The following NIBAN2 variants were observed in gnomAD, a reference collection of about 807,000 sequenced individuals.
NIBAN2 encodes the protein protein Niban 2.
Under a neutral mutation model 81.8 loss-of-function variants are expected in NIBAN2, and 36 were observed. That is an observed-to-expected ratio of 0.44 (90% CI 0.34 to 0.58). The LOEUF (loss-of-function observed/expected upper bound fraction) is 0.58, where lower values mean the gene tolerates loss of function less well. Ranked by LOEUF, NIBAN2 falls within the 20% of genes least tolerant of loss-of-function variation. The pLI, the probability that NIBAN2 is intolerant of heterozygous loss-of-function variation, is 0.02. For synonymous variants in NIBAN2, 445 were observed against 441.6 expected (o/e 1.01, Z -0.10); for missense variants, 897 against 1,014.1 (o/e 0.88, Z 1.57).
chr9:127,505,597 T>G lies in NIBAN2; in HGVS notation c.*1248A>C, dbSNP rs1836577038. 1 of 152,312 alleles carries G rather than the reference T, an allele frequency of 6.6e-6. No individual in the cohort carries two copies. The highest frequency in any genetic ancestry group is 2.4e-5 in the African/African-American group (1 of 41,374). The allele number at this position is 152,312 out of a possible 1,614,324, so 9.4% of individuals were successfully genotyped here. A position where few individuals can be genotyped will look rare whatever the true frequency, so the allele number is the denominator to read the frequency against. The stretch of plus-strand genomic sequence containing the variant: ...GTCTAGGGCACGGAGGATGCAGGGC[T>G]GGGAGGGGACCCCACCTCGGGGACC... On this transcript the variant is annotated 3_prime_UTR_variant, in exon 14 of 14. Coordinates refer to ENST00000373312, the MANE Select transcript of NIBAN2 (RefSeq NM_022833.4).
At chr9:127,568,074 T>G (rs563233113) in intron 1 of NIBAN2, among the ~76,000 whole-genome samples, 1 of 152,246 alleles carries the variant, frequency 6.6e-6, no homozygotes, top group African/African-American at 2.4e-5. Context: ...CCAGGAGCCT[T>G]GGGGACAGCT....
Position 127,517,329 on chromosome 9 carries a change from G to T in NIBAN2, c.706-113C>A. ...GCAGCCCCCACCTCCTCCGCGACTGGCCCATTGCTTCACCCTCCCTGCTGC... is the reference window on the plus strand; with the variant it reads ...GCAGCCCCCACCTCCTCCGCGACTGTCCCATTGCTTCACCCTCCCTGCTGC... On this transcript the variant is annotated intron_variant, in intron 6 of 13. Transcript: ENST00000373312. The surrounding 1 kb of genome is among the most constrained non-coding windows in gnomAD (Gnocchi z 4.0). 1.2e-6 allele frequency: 1 copy of T among 820,014 alleles called. No homozygotes were observed. The highest frequency in any genetic ancestry group is 2.0e-6 in the Non-Finnish European group (1 of 511,266). The allele number at this position is 820,014 out of a possible 1,614,324, so 50.8% of individuals were successfully genotyped here. A position where few individuals can be genotyped will look rare whatever the true frequency, so the allele number is the denominator to read the frequency against.
At chr9:127,524,026 TCTC>T (rs2132176088) in intron 4 of NIBAN2, among the ~76,000 whole-genome samples, 180 bp from the exon 5 acceptor site, 1 of 152,270 alleles carries the variant, frequency 6.6e-6, no homozygotes, top group East Asian at 1.9e-4. Flanking sequence ...CTGGCTGTGT[TCTC>T]CTCAGCCCAA....
At position 127,536,479 on chromosome 9, in the gene NIBAN2, G is replaced by A. The variant is rs1014315216; in HGVS notation, c.56-4701C>T. 2.0e-4 allele frequency among the ~76,000 whole-genome samples: 30 copies of A among 152,182 alleles called. No homozygotes were observed. The highest frequency in any genetic ancestry group is 5.3e-4 in the African/African-American group (22 of 41,444). ...TTGCTCCCTGCAGTGGCTCTCCCCC[G>A]GCATTGTTGCTTCAGGATTTTACAA... On this transcript the variant is annotated intron_variant, in intron 1 of 13. Transcript: ENST00000373312. This position sits in a 1 kb window ranked among gnomAD's most constrained non-coding sequence, Gnocchi z 4.0.
chr9:127,569,105 G>A, upstream of NIBAN2: 3 of 884,704 alleles, frequency 3.4e-6, no homozygotes, highest in Non-Finnish European at 3.8e-6. Flanking sequence ...CCTGCACCCC[G>A]GCGCCCCGCT....
At position 127,559,845 on chromosome 9, in the gene NIBAN2, A is replaced by G. The variant is rs4837164; in HGVS notation, c.55+8975T>C. ...GAGGGCCTCCCTTGGCCAATGTCCT[A>G]TGTGAACCACATAGAACGGTAACAG... On this transcript the variant is annotated intron_variant, in intron 1 of 13. Transcript: ENST00000373312. This position sits in a 1 kb window ranked among gnomAD's most constrained non-coding sequence, Gnocchi z 4.0. Among the ~76,000 whole-genome samples, 12,907 of 152,158 alleles carry G rather than the reference A, an allele frequency of 0.085. 1,089 individuals carry two copies. Among genetic ancestry groups the G allele is most frequent in the African/African-American group, 0.21 (8,860 of 41,482 alleles).
intron 1 of NIBAN2, among the ~76,000 whole-genome samples, chr9:127,535,947 G>A (rs1837268696): frequency 6.6e-6 from 1 of 152,110 alleles, no homozygotes; most frequent in Admixed American, 6.5e-5. Flanking sequence ...CCATGCTGCA[G>A]GTAGGGGGAC....
At chr9:127,516,831 C>T (rs377398402) in intron 8 of NIBAN2, 26 bp downstream of exon 8, 12 of 1,598,528 alleles carry the variant, frequency 7.5e-6, no homozygotes, top group Admixed American at 5.0e-5. Flanking sequence ...CTGGAGGGCC[C>T]GTCGAGCACG....
At position 127,523,195 on chromosome 9, in the gene NIBAN2, ATATATATATATATAT is replaced by A. The variant is rs1836989413; in HGVS notation, c.589+469_589+483del. Among the ~76,000 whole-genome samples, 34 of 4,556 alleles carry A rather than the reference ATATATATATATATAT, an allele frequency of 7.5e-3. 5 individuals carry two copies. Among genetic ancestry groups the A allele is most frequent in the South Asian group, 0.011 (1 of 94 alleles). The allele number at this position is 4,556 out of a possible 152,430, so 3.0% of individuals were successfully genotyped here. On this transcript the variant is annotated intron_variant, in intron 5 of 13. Coordinates refer to ENST00000373312, the MANE Select transcript of NIBAN2 (RefSeq NM_022833.4). ...AAAAAAAAAAAAAAAAAAAAAAAAT[ATATATATATATATAT>A]ATATATATATATATATATATATATA... is the stretch of plus-strand genomic sequence containing the variant.
chr9:127,547,699 TG>T (rs1302027049), intron 1 of NIBAN2, among the ~76,000 whole-genome samples: 1 of 151,412 alleles, frequency 6.6e-6, no homozygotes, highest in Non-Finnish European at 1.5e-5. Flanking sequence ...TAGCCAGGTG[TG>T]GTGGCGCATG....
exon 1 of NIBAN2, chr9:127,578,950 G>C (rs752589597): frequency 6.2e-7 from 1 of 1,609,102 alleles, no homozygotes; most frequent in African/African-American, 1.3e-5. Context: ...TCCAGAGTGA[G>C]AGCCCCAAAA....
At chr9:127,549,543 T>C (rs1183770657) in intron 1 of NIBAN2, among the ~76,000 whole-genome samples, 1 of 152,166 alleles carries the variant, frequency 6.6e-6, no homozygotes, top group Non-Finnish European at 1.5e-5. Flanking sequence ...TGCACACACA[T>C]GCATGCTGCT....
chr9:127,566,993 A>T (rs1280999503), intron 1 of NIBAN2, among the ~76,000 whole-genome samples: 2 of 151,818 alleles, frequency 1.3e-5, no homozygotes, highest in African/African-American at 4.8e-5. Flanking sequence ...TGTGGAGAAG[A>T]GAGAGACCAG....
intron 1 of NIBAN2, chr9:127,561,172 C>T: frequency 1.0e-6 from 1 of 985,558 alleles, no homozygotes; most frequent in Non-Finnish European, 1.2e-6. Flanking sequence ...AGCCCCATCC[C>T]ACCGTCCTCC....
chr9:127,568,231 G>A (rs1182222776), intron 1 of NIBAN2, among the ~76,000 whole-genome samples: 1 of 152,148 alleles, frequency 6.6e-6, no homozygotes, highest in African/African-American at 2.4e-5. Flanking sequence ...GGGGCAGCCT[G>A]CTGTCTGCGC....
At chr9:127,572,022 C>T (rs1837955858), upstream of NIBAN2, among the ~76,000 whole-genome samples, 3 of 152,096 alleles carry the variant, frequency 2.0e-5, no homozygotes, top group Admixed American at 2.0e-4. Flanking sequence ...CAAAATTATA[C>T]TTCAACAAAG....
chr9:127,569,187 TCCCACCCCGCCCCGC>T (rs1289290119), upstream of NIBAN2: 6 of 557,014 alleles, frequency 1.1e-5, no homozygotes, highest in Admixed American at 1.4e-4. Flanking sequence ...GCCCGCCGCG[TCCCACCCCGCCCCGC>T]CCCGCCCCGC....
At chr9:127,558,893 G>T (rs532956923) in intron 1 of NIBAN2, among the ~76,000 whole-genome samples, 31 of 151,840 alleles carry the variant, frequency 2.0e-4, no homozygotes, top group Non-Finnish European at 7.4e-5. Context: ...CAGGAACTGC[G>T]CAGTGCACCT....
rs368233090 is a variant in NIBAN2 at position 127,525,172 on chromosome 9, G to A, written c.316-9C>T. 1.6e-5 allele frequency: 25 copies of A among 1,609,772 alleles called. No homozygotes were observed. In the African/African-American group the frequency reaches 2.8e-4, roughly 18 times the overall value. On this transcript the variant is annotated splice_polypyrimidine_tract_variant and intron_variant, in intron 3 of 13. Transcript: ENST00000373312. ...ACCTGCCGCTCATAGGCCTGAGGGA[G>A]GCAAGAGAGAGGGTCCCTGAGGGTT...
Sources: allele counts gnomAD v4.1 joint callset (sites outside exome capture counted in the v4.1 genomes callset), GRCh38; gene constraint gnomAD v4.1.1; non-coding constraint Gnocchi (gnomAD v3.1); transcripts MANE v1.5; gene names NCBI Gene and HGNC (gene_info 2026-07-23, HGNC 2026-07-21).